Variants in BANP observed in about 807,000 individuals in gnomAD.
The protein encoded by BANP is protein BANP.
Under a neutral mutation model 68.1 loss-of-function variants are expected in BANP, and 11 were observed. The ratio of observed to expected loss-of-function variants is 0.16; its 90% CI spans 0.10 to 0.27. The LOEUF (loss-of-function observed/expected upper bound fraction) is 0.27, where lower values mean the gene tolerates loss of function less well. BANP is among the 10% of genes least tolerant of loss of function. The pLI, the probability that BANP is intolerant of heterozygous loss-of-function variation, is 1.00. For missense variants in BANP, 504 were observed against 722.7 expected (o/e 0.70, Z 3.47); for synonymous variants, 329 against 303.2 (o/e 1.09, Z -0.88).
intron 1 of BANP, among the ~76,000 whole-genome samples, chr16:87,967,487 G>A (rs1464284176): frequency 2.0e-5 from 3 of 151,826 alleles, no homozygotes; most frequent in South Asian, 4.2e-4. Context: ...GACGGATCTC[G>A]CTCTGTCACT....
intron 1 of BANP, among the ~76,000 whole-genome samples, chr16:87,968,363 A>T (rs1377002758): frequency 6.6e-6 from 1 of 151,906 alleles, no homozygotes; most frequent in East Asian, 2.0e-4. Context: ...GTGCACCTGT[A>T]GTCTTAGCTA....
At chr16:88,016,289 G>A (rs1424782716) in intron 6 of BANP, among the ~76,000 whole-genome samples, 6 of 152,166 alleles carry the variant, frequency 3.9e-5, no homozygotes, top group South Asian at 4.1e-4. Context: ...CTCCAGAGCC[G>A]CCTCGGCCAC....
At chr16:87,985,574 A>G (rs1234797799) in intron 4 of BANP, among the ~76,000 whole-genome samples, 1 of 152,230 alleles carries the variant, frequency 6.6e-6, no homozygotes, top group Non-Finnish European at 1.5e-5. Flanking sequence ...TATGTTTCAA[A>G]AAAAAAGAAA....
intron 7 of BANP, among the ~76,000 whole-genome samples, chr16:88,024,391 T>TA (rs2076579750): frequency 1.3e-5 from 2 of 152,070 alleles, no homozygotes; most frequent in East Asian, 3.9e-4. Flanking sequence ...CATGAGGCTT[T>TA]TAAAAAAAAA....
intron 11 of BANP, among the ~76,000 whole-genome samples, chr16:88,044,818 C>A (rs1366905457): frequency 6.6e-6 from 1 of 152,164 alleles, no homozygotes; most frequent in East Asian, 1.9e-4. Context: ...CCCTTCTCTA[C>A]TAAAAATGCA....
intron 7 of BANP, among the ~76,000 whole-genome samples, chr16:88,025,566 G>A (rs1361899868): frequency 6.6e-6 from 1 of 152,216 alleles, no homozygotes; most frequent in Non-Finnish European, 1.5e-5. Context: ...CCACCGTCCT[G>A]ACTGGTTTCT....
intron 11 of BANP, among the ~76,000 whole-genome samples, chr16:88,053,237 TAAC>T (rs2083767392): frequency 1.4e-5 from 2 of 146,644 alleles, no homozygotes; most frequent in African/African-American, 2.6e-5. Context: ...ACAACCACCC[TAAC>T]AACCACTACC....
At chr16:88,023,899 G>C (rs192017089) in intron 7 of BANP, among the ~76,000 whole-genome samples, 1 of 152,352 alleles carries the variant, frequency 6.6e-6, no homozygotes, top group East Asian at 1.9e-4. Flanking sequence ...TCCCGGCCTT[G>C]AGGGGCCTCG....
intron 1 of BANP, among the ~76,000 whole-genome samples, chr16:87,960,489 AC>A (rs1299700547): frequency 6.6e-6 from 1 of 152,126 alleles, no homozygotes; most frequent in Non-Finnish European, 1.5e-5. Flanking sequence ...TTATTTGCAA[AC>A]CTTCTATTTT....
intron 7 of BANP, among the ~76,000 whole-genome samples, chr16:88,020,967 G>A (rs1210001621): frequency 1.3e-5 from 2 of 152,200 alleles, no homozygotes; most frequent in East Asian, 1.9e-4. Flanking sequence ...CATGTAGGGC[G>A]GTGGAAGGCA....
At chr16:88,028,189 C>G (rs1009329484) in intron 8 of BANP, among the ~76,000 whole-genome samples, 5 of 152,214 alleles carry the variant, frequency 3.3e-5, no homozygotes, top group African/African-American at 1.2e-4. Flanking sequence ...CAAGACATCT[C>G]AAAATATTTT....
rs1247179188 is a variant in BANP, at chr16:88,076,942, C to T, written c.*281C>T. The T allele has an allele frequency of 3.8e-5, 15 of 396,946 alleles. 1 individual carries two copies. The highest frequency in any genetic ancestry group is 3.6e-5 in the Non-Finnish European group (8 of 221,658). The allele number at this position is 396,946 out of a possible 1,614,324, so 24.6% of individuals were successfully genotyped here. On this transcript the variant is annotated 3_prime_UTR_variant, in exon 14 of 14. Coordinates refer to ENST00000682872, the MANE Select transcript of BANP (RefSeq NM_001386991.1). ...TCGCATATGCGCGGGAAATCAAGAACTATGATATTTTTCTGTTTAAACAGC... is the reference window on the plus strand; with the variant it reads ...TCGCATATGCGCGGGAAATCAAGAATTATGATATTTTTCTGTTTAAACAGC...
chr16:87,971,561 T>A (rs11647008), intron 1 of BANP, among the ~76,000 whole-genome samples: 1 of 150,790 alleles, frequency 6.6e-6, no homozygotes, highest in Non-Finnish European at 1.5e-5. Context: ...ACCTAGTCTT[T>A]TGCTTGGATG....
intron 11 of BANP, among the ~76,000 whole-genome samples, chr16:88,039,614 C>T (rs989756912): frequency 7.0e-6 from 1 of 142,024 alleles, no homozygotes; most frequent in African/African-American, 2.4e-5. Context: ...CACTGTATTA[C>T]TGCAGTGCTT....
chr16:87,952,488 G>C (rs1359711616), intron 1 of BANP: 1 of 152,184 alleles, frequency 6.6e-6, no homozygotes, highest in Non-Finnish European at 1.5e-5. Context: ...GCTGGAACTC[G>C]CACTACAGTA....
chr16:87,954,518 C>G (rs2057652169), intron 1 of BANP, among the ~76,000 whole-genome samples: 2 of 152,316 alleles, frequency 1.3e-5, no homozygotes, highest in African/African-American at 4.8e-5. Context: ...TCCAGTTTCC[C>G]CTCGGGTGAT....
At chr16:88,010,000 G>A (rs2072589056) in intron 6 of BANP, among the ~76,000 whole-genome samples, 1 of 152,000 alleles carries the variant, frequency 6.6e-6, no homozygotes. Flanking sequence ...AGTAGACTAT[G>A]TCTCATTGGA....
chr16:88,023,446 C>T (rs1044988227), intron 7 of BANP, among the ~76,000 whole-genome samples: 11 of 133,868 alleles, frequency 8.2e-5, no homozygotes, highest in Non-Finnish European at 3.4e-5. Flanking sequence ...AGCATGTCAG[C>T]TGGCTTCCAT....
rs763984675 is a variant in BANP at position 88,004,904 on chromosome 16, G to A, written c.479+493G>A. Among the ~76,000 whole-genome samples, 4 of 152,182 alleles carry A rather than the reference G, an allele frequency of 2.6e-5. No homozygotes were observed. The highest frequency in any genetic ancestry group is 5.9e-5 in the Non-Finnish European group (4 of 68,018). On this transcript the variant is annotated intron_variant, in intron 5 of 13. Coordinates refer to ENST00000682872, the MANE Select transcript of BANP (RefSeq NM_001386991.1). The surrounding 1 kb of genome is among the most constrained non-coding windows in gnomAD (Gnocchi z 7.0). ...GGAGTGGACAGAAGACACCGTCCCC[G>A]CTCTGTGTGAGGGGAAGGCTGTGCA...
Sources: gnomAD v4.1 joint callset for allele counts (sites outside exome capture counted in the v4.1 genomes callset) on GRCh38, gnomAD v4.1.1 for gene constraint, Gnocchi (gnomAD v3.1) non-coding constraint, MANE v1.5 for transcripts, NCBI Gene and HGNC (gene_info 2026-07-23, HGNC 2026-07-21) for gene names.